The following DYM variants were observed in gnomAD, a reference collection of about 807,000 sequenced individuals.
DYM encodes the protein dyggve-Melchior-Clausen syndrome protein.
Under a neutral mutation model 93.1 loss-of-function variants are expected in DYM, and 78 were observed. The observed-to-expected ratio is 0.84, with a 90% CI of 0.70 to 1.01. DYM has a LOEUF of 1.01. DYM is among the 50% of genes least tolerant of loss of function. DYM has a pLI of 0.00. For synonymous variants in DYM, 321 were observed against 319.7 expected (o/e 1.00, Z -0.04); for missense variants, 789 against 845.0 (o/e 0.93, Z 0.82).
chr18:49,446,268 AAGAG>A (rs538869231), intron 1 of DYM, among the ~76,000 whole-genome samples: 8 of 151,744 alleles, frequency 5.3e-5, no homozygotes, highest in East Asian at 1.9e-4. Flanking sequence ...CCAAAAGAAA[AAGAG>A]AGAGAGAGAG....
intron 14 of DYM, among the ~76,000 whole-genome samples, chr18:49,193,437 A>ACAAGTGCCC (rs2091163611): frequency 6.6e-6 from 1 of 152,232 alleles, no homozygotes; most frequent in Non-Finnish European, 1.5e-5. Context: ...GTTGTGCAAA[A>ACAAGTGCCC]CAAGTGCCCT....
chr18:49,232,217 T>A (rs1277596776), intron 13 of DYM, among the ~76,000 whole-genome samples: 1 of 152,222 alleles, frequency 6.6e-6, no homozygotes, highest in Non-Finnish European at 1.5e-5. Context: ...CATATTCATA[T>A]ACTTTGCACA....
intron 13 of DYM, among the ~76,000 whole-genome samples, chr18:49,221,052 T>G (rs2093330086): frequency 6.6e-6 from 1 of 151,938 alleles, no homozygotes; most frequent in African/African-American, 2.4e-5. Context: ...CTCAAACAAA[T>G]TTACAAGAAA....
At chr18:49,315,225 A>AAAG (rs1555688984) in intron 8 of DYM, among the ~76,000 whole-genome samples, 1 of 151,874 alleles carries the variant, frequency 6.6e-6, no homozygotes, top group Non-Finnish European at 1.5e-5. Flanking sequence ...AAAAAAAAAA[A>AAAG]AAGAAGAAAG....
chr18:49,264,165 T>C (rs2094534434), intron 11 of DYM, among the ~76,000 whole-genome samples: 2 of 151,656 alleles, frequency 1.3e-5, no homozygotes, highest in African/African-American at 2.4e-5. Flanking sequence ...TTCTAGCTGC[T>C]TTACAATATT....
chr18:49,152,690 T>C lies in DYM; in HGVS notation c.1728+10995A>G, dbSNP rs774184301. Among the ~76,000 whole-genome samples, 60 of 152,184 alleles carry C rather than the reference T, an allele frequency of 3.9e-4. 1 individual carries two copies. Among genetic ancestry groups the C allele is most frequent in the Non-Finnish European group, 7.1e-4 (48 of 68,032 alleles). ...TGCACTTGCATATTCATTTCAGCATTATTAACTACAGCTAAGATATGAAGA... is the reference window on the plus strand; with the variant it reads ...TGCACTTGCATATTCATTTCAGCATCATTAACTACAGCTAAGATATGAAGA... On this transcript the variant is annotated intron_variant, in intron 15 of 17. Transcript: ENST00000675505.
chr18:49,289,754 TATATATATATATATATATACAC>T (rs1241587667), intron 8 of DYM, among the ~76,000 whole-genome samples: 2 of 47,522 alleles, frequency 4.2e-5, no homozygotes, highest in Admixed American at 2.7e-4. Flanking sequence ...TATATATATA[TATATATATATATATATATACAC>T]ATATATATAT....
At chr18:49,408,551 A>G (rs2071804607) in intron 2 of DYM, among the ~76,000 whole-genome samples, 1 of 152,236 alleles carries the variant, frequency 6.6e-6, no homozygotes, top group South Asian at 2.1e-4. Flanking sequence ...AATCTTCCAC[A>G]CATTGCTAGA....
intron 17 of DYM, among the ~76,000 whole-genome samples, chr18:49,090,622 G>C (rs2145401338): frequency 6.6e-6 from 1 of 152,304 alleles, no homozygotes; most frequent in East Asian, 1.9e-4. Context: ...AGGGAAAGTA[G>C]AGAGAATGAA....
intron 1 of DYM, among the ~76,000 whole-genome samples, chr18:49,440,014 A>C (rs1318991653): frequency 1.6e-4 from 4 of 25,502 alleles, no homozygotes; most frequent in Non-Finnish European, 2.9e-4. Context: ...TGTCACCAAT[A>C]AATAAATAAA....
intron 13 of DYM, among the ~76,000 whole-genome samples, chr18:49,249,824 G>C (rs2094248461): frequency 6.6e-6 from 1 of 152,162 alleles, no homozygotes; most frequent in Admixed American, 6.5e-5. Flanking sequence ...ATGGCTGTGA[G>C]AAAAAGTGAA....
In DYM at chr18:49,407,749, A is replaced by C. The variant is rs564304848; in HGVS notation, c.141-16104T>G. Among the ~76,000 whole-genome samples the C allele has an allele frequency of 3.9e-5, 6 of 152,308 alleles. No homozygotes were observed. The South Asian group carries it at 1.2e-3, about 32-fold the overall frequency. On this transcript the variant is annotated intron_variant, in intron 2 of 17. Transcript: ENST00000675505. The stretch of plus-strand genomic sequence containing the variant: ...GAGATTTGGAGGGGACAAAATATCC[A>C]AACCGTATCACTGACAGCTGAAATC...
At chr18:49,121,480 T>C (rs2082375181) in intron 15 of DYM, among the ~76,000 whole-genome samples, 1 of 152,128 alleles carries the variant, frequency 6.6e-6, no homozygotes, top group Non-Finnish European at 1.5e-5. Flanking sequence ...ACAAAAGAGA[T>C]ATTCAAAGAG....
chr18:49,112,294 G>A (rs905887477), intron 16 of DYM, among the ~76,000 whole-genome samples: 1 of 152,186 alleles, frequency 6.6e-6, no homozygotes, highest in African/African-American at 2.4e-5. Flanking sequence ...AAAACAGCCT[G>A]TGAGTGCAAA....
chr18:49,151,404 C>T (rs1473066337), intron 15 of DYM, among the ~76,000 whole-genome samples: 1 of 152,116 alleles, frequency 6.6e-6, no homozygotes, highest in African/African-American at 2.4e-5. Flanking sequence ...TCCACTCATA[C>T]AATGAATAAA....
At chr18:49,315,218 A>AC (rs1217204669) in intron 8 of DYM, among the ~76,000 whole-genome samples, 2 of 151,794 alleles carry the variant, frequency 1.3e-5, no homozygotes, top group Non-Finnish European at 2.9e-5. Context: ...CTGTGTTAAA[A>AC]AAAAAAAAAG....
At chr18:49,341,350 G>A (rs1168980153) in intron 6 of DYM, among the ~76,000 whole-genome samples, 1 of 151,930 alleles carries the variant, frequency 6.6e-6, no homozygotes, top group Non-Finnish European at 1.5e-5. Context: ...AAATTAGCCG[G>A]GCATGGTGGC....
chr18:49,199,229 G>A (rs1228638919), intron 14 of DYM, among the ~76,000 whole-genome samples: 2 of 152,122 alleles, frequency 1.3e-5, no homozygotes, highest in African/African-American at 4.8e-5. Flanking sequence ...GGCCTGTTGT[G>A]GGGTGGGGGG....
chr18:49,294,571 A>C (rs775782194), intron 8 of DYM, among the ~76,000 whole-genome samples: 1 of 152,208 alleles, frequency 6.6e-6, no homozygotes, highest in South Asian at 2.1e-4. Flanking sequence ...AAATGTGAAG[A>C]GGACATAAAG....
Sources: allele counts gnomAD v4.1 joint callset (sites outside exome capture counted in the v4.1 genomes callset), GRCh38; gene constraint gnomAD v4.1.1; transcripts MANE v1.5; gene names NCBI Gene and HGNC (gene_info 2026-07-23, HGNC 2026-07-21).